Variants in SUMF2 observed in about 807,000 individuals in gnomAD.
The protein encoded by SUMF2 is inactive C-alpha-formylglycine-generating enzyme 2.
SUMF2 carries 45 observed loss-of-function variants against 44.8 expected under a neutral mutation model. The observed-to-expected ratio is 1.00, with a 90% CI of 0.79 to 1.29. The LOEUF (loss-of-function observed/expected upper bound fraction) is 1.29. Ranked by LOEUF, SUMF2 falls within the 50% of genes most tolerant of loss-of-function variation. The pLI is 0.00. For synonymous variants in SUMF2, 148 were observed against 150.4 expected, an observed-to-expected ratio of 0.98 and a Z score of 0.12; for missense variants, 418 against 389.9, an observed-to-expected ratio of 1.07 and a Z score of -0.61.
At chr7:56,072,584 G>A (rs56083627) in intron 2 of SUMF2, among the ~76,000 whole-genome samples, 57 of 152,128 alleles carry the variant, frequency 3.7e-4, no homozygotes, top group African/African-American at 1.3e-3. Flanking sequence ...TTACCTGGGC[G>A]TGGTGGCAGA....
intron 1 of SUMF2, among the ~76,000 whole-genome samples, chr7:56,067,313 CTTTTTAT>C (rs1794870807): frequency 6.6e-6 from 1 of 151,944 alleles, no homozygotes. Context: ...TTATTATTAT[CTTTTTAT>C]TTTTTATTTT....
Position 56,079,513 on chromosome 7 carries a change from C to T in SUMF2, c.822-15C>T, listed in dbSNP as rs1484448801. The T allele has an allele frequency of 1.9e-6, 3 of 1,608,122 alleles. No homozygotes were observed. Among genetic ancestry groups the T allele is most frequent in the South Asian group, 2.2e-5 (2 of 90,758 alleles). ...TCAGGACGTGTCTGTCCTCTCTCCCCTTCTCTGCTGGCAGGATGGGCAACA... is the reference window on the plus strand; with the variant it reads ...TCAGGACGTGTCTGTCCTCTCTCCCTTTCTCTGCTGGCAGGATGGGCAACA... On this transcript the variant is annotated splice_polypyrimidine_tract_variant and intron_variant, in intron 8 of 8. Coordinates refer to ENST00000434526, the MANE Select transcript of SUMF2 (RefSeq NM_015411.4).
chr7:56,084,370 A>AT (rs534790677), downstream of SUMF2: 29,408 of 406,046 alleles, frequency 0.072, 73 homozygotes, highest in East Asian at 0.094. Context: ...GAGTATCCCG[A>AT]TTTTTTTTTT....
chr7:56,082,706 A>G (rs1046597197), downstream of SUMF2, among the ~76,000 whole-genome samples: 3 of 152,194 alleles, frequency 2.0e-5, no homozygotes, highest in African/African-American at 7.2e-5. Context: ...AGGGCGGGAT[A>G]CTGCCCACAG....
chr7:56,064,320 G>T lies in SUMF2; in HGVS notation c.9G>T (p.Arg3=). Residue 3 remains arginine, a synonymous_variant, in exon 1 of 9, where the codon CGG becomes CGT. Transcript: ENST00000434526. ...GCAGCGCGGCAGTCCTGATGGCCCG[G>T]CATGGGTTACCGCTGCTGCCCCTGC... The part of the protein sequence containing the change: MA[R]HGLPLLPLLS... The T allele has an allele frequency of 6.3e-7, 1 of 1,595,522 alleles. No individual in the cohort carries two copies. Among genetic ancestry groups the T allele is most frequent in the Non-Finnish European group, 8.5e-7 (1 of 1,171,478 alleles).
chr7:56,074,035 AAAAAAAAAAT>A, intron 3 of SUMF2, 129 bp from the exon 4 acceptor site: 1 of 603,714 alleles, frequency 1.7e-6, no homozygotes, highest in African/African-American at 1.9e-5. Context: ...AAAAAAAAAA[AAAAAAAAAAT>A]CAGCCACAAC....
intron 6 of SUMF2, 151 bp downstream of exon 6, chr7:56,077,040 G>T: frequency 1.8e-5 from 9 of 505,244 alleles, no homozygotes; most frequent in Non-Finnish European, 2.7e-5. Flanking sequence ...TGGGTCATAA[G>T]TGCTTTCTTT....
downstream of SUMF2, chr7:56,083,728 AG>A (rs781353551): frequency 7.1e-6 from 11 of 1,558,516 alleles, no homozygotes; most frequent in Admixed American, 5.5e-5. Flanking sequence ...GTGGAAACAG[AG>A]GGTTGATAGC....
intron 1 of SUMF2, among the ~76,000 whole-genome samples, chr7:56,067,230 A>G (rs1794865105): frequency 6.6e-6 from 1 of 152,138 alleles, no homozygotes; most frequent in African/African-American, 2.4e-5. Flanking sequence ...GAAGAAAAGG[A>G]CTTGTGTAGA....
downstream of SUMF2, chr7:56,084,243 A>T: frequency 6.6e-7 from 1 of 1,515,202 alleles, no homozygotes; most frequent in Non-Finnish European, 8.9e-7. Context: ...GTGTCTTCCC[A>T]TCTGTGGAAG....
In SUMF2 at chr7:56,064,396, C is replaced by T. The variant is rs746313607; in HGVS notation, c.67+18C>T. The stretch of plus-strand genomic sequence containing the variant: ...CAAGCTAGGTCAGTGAACCGGCCGT[C>T]CATCCTGGGGGCGCTGGGAAGGGGA... On this transcript the variant is annotated intron_variant, in intron 1 of 8. Transcript: ENST00000434526. 5 of 1,595,450 alleles carry T rather than the reference C, an allele frequency of 3.1e-6. No individual in the cohort carries two copies. The highest frequency in any genetic ancestry group is 1.8e-5 in the Admixed American group (1 of 56,762).
rs529975935 is a variant in SUMF2, at chr7:56,079,597, G to C, written c.891G>C (p.Pro297=). Reference sequence around the variant, plus strand: ...GCTGTGCTGCAGACGCAGGCCGGCCGCCAGGGGAGCTGTAAGCAGCCGGGT... The same window carrying C: ...GCTGTGCTGCAGACGCAGGCCGGCCCCCAGGGGAGCTGTAAGCAGCCGGGT... The part of the protein sequence containing the change: ...GFRCAADAGR[P]PGEL The change falls in exon 9 of 9, where the codon CCG becomes CCC. Residue 297 remains proline (P), a synonymous_variant. Coordinates refer to ENST00000434526, the MANE Select transcript of SUMF2 (RefSeq NM_015411.4). The C allele has an allele frequency of 6.2e-7, 1 of 1,614,204 alleles. No individual in the cohort carries two copies. The highest frequency in any genetic ancestry group is 1.7e-5 in the Admixed American group (1 of 60,020).
At chr7:56,085,206 C>T (rs1219237215), downstream of SUMF2, among the ~76,000 whole-genome samples, 1 of 152,124 alleles carries the variant, frequency 6.6e-6, no homozygotes, top group Non-Finnish European at 1.5e-5. Flanking sequence ...TCTGATCCGC[C>T]TGCCTCAGCC....
chr7:56,082,359 G>A (rs3778867), downstream of SUMF2: 167,178 of 807,762 alleles, frequency 0.21, 19,302 homozygotes, highest in East Asian at 0.36. Flanking sequence ...TTGGGAGGCC[G>A]AGGCAGGTGG....
intron 2 of SUMF2, 81 bp downstream of exon 2, chr7:56,068,719 T>A: frequency 6.7e-7 from 1 of 1,486,518 alleles, no homozygotes; most frequent in East Asian, 2.4e-5. Context: ...TTTTTTGTTT[T>A]TTGAGACTGA....
In SUMF2 at chr7:56,068,605, T is replaced by C; in HGVS notation, c.191T>C (p.Ile64Thr). 1 of 1,613,802 alleles carries C rather than the reference T, an allele frequency of 6.2e-7. No homozygotes were observed. The highest frequency in any genetic ancestry group is 8.5e-7 in the Non-Finnish European group (1 of 1,179,904). ...GAGGCGACAGTGAAACCCTTTGCCATCGACATATTTCCTGTCACCAACAAA... is the reference window on the plus strand; with the variant it reads ...GAGGCGACAGTGAAACCCTTTGCCACCGACATATTTCCTGTCACCAACAAA... Reference protein sequence around the residue: ...VREATVKPFAIDIFPVTNKDF... With the variant: ...VREATVKPFATDIFPVTNKDF... The change falls in exon 2 of 9, where the codon ATC becomes ACC. Residue 64 changes from isoleucine to threonine, a missense_variant. Coordinates refer to ENST00000434526, the MANE Select transcript of SUMF2 (RefSeq NM_015411.4).
At chr7:56,064,487 A>C in intron 1 of SUMF2, 109 bp downstream of exon 1, 1 of 1,439,572 alleles carries the variant, frequency 6.9e-7, no homozygotes. Context: ...ATGCGGCTGC[A>C]GCGGCAGGCT....
downstream of SUMF2, chr7:56,084,208 T>C: frequency 6.5e-7 from 1 of 1,534,632 alleles, no homozygotes; most frequent in Non-Finnish European, 8.7e-7. Context: ...CCAAGCACCA[T>C]TTCTGTTCCA....
At chr7:56,064,685 C>G (rs1363717857) in intron 1 of SUMF2, among the ~76,000 whole-genome samples, 1 of 147,638 alleles carries the variant, frequency 6.8e-6, no homozygotes, top group Non-Finnish European at 1.5e-5. Flanking sequence ...ACCAGCCTGG[C>G]CAACGTGAAA....
Sources: gnomAD v4.1 joint callset for allele counts (sites outside exome capture counted in the v4.1 genomes callset) on GRCh38, gnomAD v4.1.1 for gene constraint, MANE v1.5 for transcripts, NCBI Gene and HGNC (gene_info 2026-07-23, HGNC 2026-07-21) for gene names.